PPM1J: variants seen among roughly 807,000 people sequenced by gnomAD.
PPM1J encodes the protein protein phosphatase 1J.
Under a neutral mutation model 53.3 loss-of-function variants are expected in PPM1J, and 43 were observed. That is an observed-to-expected ratio of 0.81 (90% CI 0.63 to 1.04). The LOEUF (loss-of-function observed/expected upper bound fraction) is 1.04, where lower values mean the gene tolerates loss of function less well. PPM1J is among the 50% of genes least tolerant of loss of function. The pLI is 0.00. For synonymous variants in PPM1J, 267 were observed against 286.4 expected (o/e 0.93, Z 0.68); for missense variants, 635 against 685.9 (o/e 0.93, Z 0.83).
Position 112,713,012 on chromosome 1 carries a change from CAGTAGT to C in PPM1J, c.455_460del (p.Tyr152_Tyr153del). ...CCCTGCATGCCCATCAAATAGGCCC[CAGTAGT>C]AGAAGCAGAGTCCCTGGTGGAGGAA... On this transcript the variant is annotated inframe_deletion, in exon 3 of 10. Transcript: ENST00000309276. 6.2e-7 allele frequency: 1 copy of C among 1,604,336 alleles called. No individual in the cohort carries two copies. The highest frequency in any genetic ancestry group is 8.5e-7 in the Non-Finnish European group (1 of 1,174,260).
In PPM1J at chr1:112,711,385, C is replaced by T; in HGVS notation, c.928-1G>A. 6.3e-7 allele frequency: 1 copy of T among 1,589,894 alleles called. No homozygotes were observed. The highest frequency in any genetic ancestry group is 1.1e-5 in the South Asian group (1 of 88,182). ...CTAGCAGCTCTGGTTTCAGGAAGCCCTGGAGTTGGGGATGATCAGAACAGA... is the reference window on the plus strand; with the variant it reads ...CTAGCAGCTCTGGTTTCAGGAAGCCTTGGAGTTGGGGATGATCAGAACAGA... On this transcript the variant is annotated splice_acceptor_variant, in intron 5 of 9. Transcript: ENST00000309276. LOFTEE classifies it high-confidence loss of function.
In PPM1J at chr1:112,712,409, A is replaced by G. The variant is rs375324200; in HGVS notation, c.778T>C (p.Cys260Arg). The G allele has an allele frequency of 6.8e-5, 110 of 1,613,940 alleles. 1 individual carries two copies. In the East Asian group the frequency reaches 1.4e-3, roughly 21 times the overall value. Residue 260 changes from cysteine (C) to arginine (R), a missense_variant, in exon 4 of 10, where the codon TGC (cysteine) becomes CGC (arginine). Transcript: ENST00000309276. ...ERRGHQVEGG[C>R]CALVVIYLLG... is the part of the protein sequence containing the mutation. ...AGGTAGATCACAACCAGTGCACAGCAGCCCCCCTCCACTTGGTGGCCACGC... is the reference window on the plus strand; with the variant it reads ...AGGTAGATCACAACCAGTGCACAGCGGCCCCCCTCCACTTGGTGGCCACGC...
rs200586006 is a variant in PPM1J at position 112,710,997 on chromosome 1, A to G, written c.1110+11T>C. On this transcript the variant is annotated intron_variant, in intron 7 of 9. Transcript: ENST00000309276. ...CCTCCTCCCCTCTCCCACCTCTACC[A>G]TGGAGTTTACCTTTTTGCCCTCCCC... 41 of 1,612,554 alleles carry G rather than the reference A, an allele frequency of 2.5e-5. No individual in the cohort carries two copies. Among genetic ancestry groups the G allele is most frequent in the Admixed American group, 1.7e-5 (1 of 59,990 alleles).
At chr1:112,713,972 T>C in intron 1 of PPM1J, 1 of 1,039,502 alleles carries the variant, frequency 9.6e-7, no homozygotes, top group Non-Finnish European at 1.2e-6. Flanking sequence ...ACTTCCCTGC[T>C]AGCTAGACCC....
chr1:112,712,821 A>T lies in PPM1J; in HGVS notation c.652T>A (p.Ser218Thr), dbSNP rs1675097503. 6.2e-7 allele frequency: 1 copy of T among 1,613,408 alleles called. No homozygotes were observed. The highest frequency in any genetic ancestry group is 1.3e-5 in the African/African-American group (1 of 74,878). The change falls in exon 3 of 10, where the codon TCC becomes ACC. Residue 218 changes from serine to threonine, a missense_variant. By Grantham distance (58) the Ser-to-Thr change is moderately conservative. Coordinates refer to ENST00000309276, the MANE Select transcript of PPM1J (RefSeq NM_005167.7). ...SDPSHLLGPQ[S>T]CWSSQKEVSH... ...ACTTCCTTCTGTGAAGACCAGCAGG[A>T]CTGAGGGCCAAGCAAGTGAGAGGGA...
chr1:112,710,372 G>A (rs776584938), intron 9 of PPM1J, 62 bp from the exon 10 acceptor site: 36 of 1,609,388 alleles, frequency 2.2e-5, no homozygotes, highest in Non-Finnish European at 3.0e-5. Flanking sequence ...AGATACACAG[G>A]CCCACATGTG....
At position 112,711,366 on chromosome 1, in the gene PPM1J, G is replaced by T; in HGVS notation, c.946C>A (p.Leu316Met). Reference sequence around the variant, plus strand: ...AGGTGGGTGAATTCACTGCCTAGCAGCTCTGGTTTCAGGAAGCCCTGGAGT... The same window carrying T: ...AGGTGGGTGAATTCACTGCCTAGCATCTCTGGTTTCAGGAAGCCCTGGAGT... ...LQLLGFLKPE[L>M]LGSEFTHLEF... Residue 316 changes from leucine to methionine, a missense_variant, in exon 6 of 10, where the codon CTG becomes ATG. Coordinates refer to ENST00000309276, the MANE Select transcript of PPM1J (RefSeq NM_005167.7). 3.1e-6 allele frequency: 5 copies of T among 1,602,908 alleles called. No individual in the cohort carries two copies. The highest frequency in any genetic ancestry group is 3.4e-6 in the Non-Finnish European group (4 of 1,174,486).
chr1:112,712,747 G>C lies in PPM1J; in HGVS notation c.726C>G (p.Leu242=). The C allele has an allele frequency of 6.2e-7, 1 of 1,606,132 alleles. No individual in the cohort carries two copies. The highest frequency in any genetic ancestry group is 8.5e-7 in the Non-Finnish European group (1 of 1,176,268). Reference sequence around the variant, plus strand: ...TTGGCCCAGGTCACCCACTCACCATGAGCTGGAAGGCATTCTCAACGGCCC... The same window carrying C: ...TTGGCCCAGGTCACCCACTCACCATCAGCTGGAAGGCATTCTCAACGGCCC... ...VVGAVENAFQ[L]MDEQMARERR... Residue 242 remains leucine (L), a synonymous_variant, in exon 3 of 10, where the codon CTC becomes CTG. Coordinates refer to ENST00000309276, the MANE Select transcript of PPM1J (RefSeq NM_005167.7).
rs1335581142 is a variant in PPM1J at position 112,710,230 on chromosome 1, T to G, written c.1451A>C (p.Lys484Thr). Reference protein sequence around the residue: ...RDRGWRLPNNKLGSGDDISVF... With the variant: ...RDRGWRLPNNTLGSGDDISVF... ...AGAGATGTCATCCCCGGAACCCAGC[T>G]TGTTGTTGGGGAGACGCCAGCCACG... Residue 484 changes from lysine to threonine, a missense_variant, in exon 10 of 10, where the codon AAG (lysine) becomes ACG (threonine). Lys to Thr is a moderately conservative substitution (Grantham distance 78). Transcript: ENST00000309276. 7 of 1,541,710 alleles carry G rather than the reference T, an allele frequency of 4.5e-6. No homozygotes were observed. The highest frequency in any genetic ancestry group is 6.2e-6 in the Non-Finnish European group (7 of 1,135,220).
At chr1:112,712,564 T>A (rs1675090593) in intron 3 of PPM1J, 107 bp from the exon 4 acceptor site, 1 of 1,199,686 alleles carries the variant, frequency 8.3e-7, no homozygotes, top group Admixed American at 2.1e-5. Flanking sequence ...CCAGCCAGGC[T>A]ACACTGGAAG....
In PPM1J at chr1:112,711,943, G is replaced by C. The variant is rs201821573; in HGVS notation, c.927+28C>G. On this transcript the variant is annotated intron_variant, in intron 5 of 9. Coordinates refer to ENST00000309276, the MANE Select transcript of PPM1J (RefSeq NM_005167.7). ...GGAGGCACAAGACCCGACAAAGAAT[G>C]GGGGTAGGGAATTTGGTTCCTACTT... is the stretch of plus-strand genomic sequence containing the variant. 3.7e-5 allele frequency: 57 copies of C among 1,530,356 alleles called. No individual in the cohort carries two copies. The East Asian group carries it at 1.2e-3, about 32-fold the overall frequency. 94.8% of individuals were successfully genotyped at this position (1,530,356 alleles called of 1,614,324 possible).
Position 112,710,481 on chromosome 1 carries a change from T to C in PPM1J, c.1349A>G (p.Tyr450Cys), listed in dbSNP as rs751793009. Residue 450 changes from tyrosine (Y) to cysteine (C), a missense_variant, in exon 9 of 10, where the codon TAT becomes TGT. By Grantham distance (194) the Tyr-to-Cys change is radical (BLOSUM62 -2). Coordinates refer to ENST00000309276, the MANE Select transcript of PPM1J (RefSeq NM_005167.7). ...AATVDRVLSA[Y>C]EPNDHSRYTA... is the part of the protein sequence containing the mutation. ...CTACCTGCTGTGGTCATTAGGCTCA[T>C]AGGCCGACAGCACCCTGTCCACAGT... 27 of 1,613,880 alleles carry C rather than the reference T, an allele frequency of 1.7e-5. No homozygotes were observed. The highest frequency in any genetic ancestry group is 2.2e-5 in the Non-Finnish European group (26 of 1,180,030).
In PPM1J at chr1:112,713,479, A is replaced by T. The variant is rs200694396; in HGVS notation, c.441+18T>A. On this transcript the variant is annotated intron_variant, in intron 2 of 9. Transcript: ENST00000309276. Reference sequence around the variant, plus strand: ...GGAGAGGTGTCACTGTGTCTCTGGGAAAGGGGATGGGTCTTACCTGGCCTC... The same window carrying T: ...GGAGAGGTGTCACTGTGTCTCTGGGTAAGGGGATGGGTCTTACCTGGCCTC... 5.0e-5 allele frequency: 78 copies of T among 1,567,858 alleles called. No individual in the cohort carries two copies. Among genetic ancestry groups the T allele is most frequent in the Non-Finnish European group, 4.9e-5 (56 of 1,138,512 alleles).
chr1:112,710,516 C>T lies in PPM1J; in HGVS notation c.1314G>A (p.Glu438=). The T allele has an allele frequency of 1.9e-6, 3 of 1,614,226 alleles. No individual in the cohort carries two copies. Among genetic ancestry groups the T allele is most frequent in the East Asian group, 2.2e-5 (1 of 44,894 alleles). The change falls in exon 9 of 10, where the codon GAG becomes GAA. Residue 438 remains glutamate (E), a synonymous_variant. Coordinates refer to ENST00000309276, the MANE Select transcript of PPM1J (RefSeq NM_005167.7). ...DGLWDVTTDC[E]VAATVDRVLS... is the part of the protein sequence containing the mutation. The stretch of plus-strand genomic sequence containing the variant: ...GCACCCTGTCCACAGTGGCAGCTAC[C>T]TCACAGTCAGTAGTGACATCCCACA...
chr1:112,714,686 G>C, intron 1 of PPM1J: 2 of 1,213,812 alleles, frequency 1.6e-6, no homozygotes, highest in Non-Finnish European at 2.0e-6. Flanking sequence ...CTCATCCTTC[G>C]CCGGGCTCTC....
rs767017548 is a variant in PPM1J, at chr1:112,713,070, G to A, written c.442-39C>T. The A allele has an allele frequency of 1.1e-3, 1,402 of 1,271,378 alleles. 6 individuals carry two copies. The African/African-American group carries it at 0.02, about 18-fold the overall frequency. 78.8% of individuals were successfully genotyped at this position (1,271,378 alleles called of 1,614,324 possible). A position where few individuals can be genotyped will look rare whatever the true frequency, so the allele number is the denominator to read the frequency against. On this transcript the variant is annotated intron_variant, in intron 2 of 9. Coordinates refer to ENST00000309276, the MANE Select transcript of PPM1J (RefSeq NM_005167.7). ...AGTTGGAGGTGAGTTTTGTTTGTGT[G>A]TGTGTGTGTGTGTGTGTGTGTGTGT...
intron 5 of PPM1J, 57 bp from the exon 6 acceptor site, chr1:112,711,441 G>A (rs111490576): frequency 8.8e-6 from 9 of 1,022,904 alleles, no homozygotes; most frequent in South Asian, 4.2e-5. Flanking sequence ...CACAGCACAC[G>A]GTGGCACACA....
intron 1 of PPM1J, chr1:112,714,057 C>A: frequency 9.6e-7 from 1 of 1,037,080 alleles, no homozygotes; most frequent in Non-Finnish European, 1.2e-6. Flanking sequence ...GGCACACCCA[C>A]CCTTATCCTA....
intron 1 of PPM1J, chr1:112,714,512 G>T (rs568790007): frequency 1.6e-5 from 16 of 989,212 alleles, no homozygotes; most frequent in East Asian, 1.1e-4. Context: ...GAGGGGGAGG[G>T]GAACTACGGT....
Sources: gnomAD v4.1 joint callset for allele counts on GRCh38, gnomAD v4.1.1 for gene constraint, MANE v1.5 for transcripts, NCBI Gene and HGNC (gene_info 2026-07-23, HGNC 2026-07-21) for gene names.